Variants in CRISPLD1 observed in about 807,000 individuals in gnomAD.
CRISPLD1 encodes cysteine rich secretory protein LCCL domain containing 1.
Under a neutral mutation model 77.5 loss-of-function variants are expected in CRISPLD1, and 60 were observed. The observed-to-expected ratio is 0.77, with a 90% CI of 0.63 to 0.96. The LOEUF (loss-of-function observed/expected upper bound fraction) is 0.96. CRISPLD1 is among the 40% of genes least tolerant of loss of function. The pLI is 0.00. For missense variants in CRISPLD1, 623 were observed against 615.8 expected (o/e 1.01, Z -0.12); for synonymous variants, 195 against 200.1 (o/e 0.97, Z 0.22).
At chr8:75,013,846 C>T in intron 4 of CRISPLD1, 141 bp from the exon 5 acceptor site, 1 of 597,760 alleles carries the variant, frequency 1.7e-6, no homozygotes, top group East Asian at 2.8e-5. Context: ...AGGAAAAAGA[C>T]CCTTTTTGAT....
chr8:74,996,018 G>A (rs554615716), intron 2 of CRISPLD1, among the ~76,000 whole-genome samples: 39 of 147,524 alleles, frequency 2.6e-4, no homozygotes, highest in African/African-American at 9.6e-4. Flanking sequence ...TATAAAAATG[G>A]CAATGGGTCA....
At chr8:75,020,872 G>T (rs1156548357) in intron 12 of CRISPLD1, among the ~76,000 whole-genome samples, 1 of 151,826 alleles carries the variant, frequency 6.6e-6, no homozygotes, top group Non-Finnish European at 1.5e-5. Flanking sequence ...AGATTATAAT[G>T]GAATTTATAT....
rs1812707314 is a variant in CRISPLD1 at position 74,999,794 on chromosome 8, GT to G, written c.259-12638del. Among the ~76,000 whole-genome samples, 4 of 145,936 alleles carry G rather than the reference GT, an allele frequency of 2.7e-5. No individual in the cohort carries two copies. In the South Asian group the frequency reaches 8.7e-4, roughly 32 times the overall value. On this transcript the variant is annotated intron_variant, in intron 2 of 14. Coordinates refer to ENST00000262207, the MANE Select transcript of CRISPLD1 (RefSeq NM_031461.6). ...TCTTTTCTTTTTTTTTTTTTACAAA[GT>G]ACTTATAATACACAATGTTGGAGAA...
At chr8:75,029,123 A>G (rs1813285892) in intron 13 of CRISPLD1, among the ~76,000 whole-genome samples, 1 of 152,198 alleles carries the variant, frequency 6.6e-6, no homozygotes, top group Admixed American at 6.5e-5. Flanking sequence ...TTTGGACAGA[A>G]CAGGTATTTG....
intron 2 of CRISPLD1, among the ~76,000 whole-genome samples, chr8:74,994,592 C>T (rs567497673): frequency 6.6e-6 from 1 of 152,192 alleles, no homozygotes; most frequent in Non-Finnish European, 1.5e-5. Flanking sequence ...TGTCTCCTCC[C>T]TTCCTGGGAT....
At chr8:75,002,723 C>T (rs1439165121) in intron 2 of CRISPLD1, among the ~76,000 whole-genome samples, 1 of 151,934 alleles carries the variant, frequency 6.6e-6, no homozygotes, top group Non-Finnish European at 1.5e-5. Flanking sequence ...CTCGGAATTC[C>T]TGTTTGTGTG....
intron 2 of CRISPLD1, among the ~76,000 whole-genome samples, chr8:75,012,143 G>A (rs1812942924): frequency 6.6e-6 from 1 of 151,962 alleles, no homozygotes; most frequent in Admixed American, 6.6e-5. Context: ...ATGTATATGG[G>A]GATTTGTTTT....
intron 2 of CRISPLD1, among the ~76,000 whole-genome samples, chr8:74,989,598 G>A (rs1812543696): frequency 6.6e-6 from 1 of 151,696 alleles, no homozygotes; most frequent in African/African-American, 2.4e-5. Context: ...TTGTTAGTGG[G>A]GTTGTTTTTT....
intron 14 of CRISPLD1, among the ~76,000 whole-genome samples, chr8:75,031,198 G>T (rs79664625): frequency 6.6e-6 from 1 of 152,102 alleles, no homozygotes; most frequent in East Asian, 1.9e-4. Context: ...TATATGTTGT[G>T]TGTGCGCACT....
At chr8:74,990,581 C>A (rs2128780776) in intron 2 of CRISPLD1, among the ~76,000 whole-genome samples, 1 of 149,218 alleles carries the variant, frequency 6.7e-6, no homozygotes, top group African/African-American at 2.5e-5. Context: ...CTTTGAGCTT[C>A]ATTTTTATGT....
chr8:75,020,219 C>T (rs571024151), intron 12 of CRISPLD1, 140 bp downstream of exon 12: 2 of 666,962 alleles, frequency 3.0e-6, no homozygotes, highest in Admixed American at 2.7e-5. Context: ...AAACTACATG[C>T]ACTCCAGGCA....
chr8:75,008,166 A>G (rs1812867524), intron 2 of CRISPLD1, among the ~76,000 whole-genome samples: 1 of 152,188 alleles, frequency 6.6e-6, no homozygotes, highest in African/African-American at 2.4e-5. Context: ...CTAAGAAGGA[A>G]CAACTTTCAG....
chr8:75,020,451 T>G (rs1813114005), intron 12 of CRISPLD1, among the ~76,000 whole-genome samples: 1 of 152,156 alleles, frequency 6.6e-6, no homozygotes, highest in African/African-American at 2.4e-5. Flanking sequence ...GCTGGCTGAT[T>G]CAGTTCCTGA....
chr8:74,986,810 C>G (rs991845695), intron 2 of CRISPLD1, among the ~76,000 whole-genome samples: 12 of 152,080 alleles, frequency 7.9e-5, no homozygotes, highest in African/African-American at 2.9e-4. Context: ...TGAAAATAAG[C>G]CTTGGCAAAG....
intron 14 of CRISPLD1, 109 bp downstream of exon 14, chr8:75,029,626 G>T: frequency 9.0e-7 from 1 of 1,116,544 alleles, no homozygotes; most frequent in East Asian, 2.5e-5. Flanking sequence ...TCAAAGTTAA[G>T]TGGCAGAGCC....
chr8:74,998,711 A>T (rs1015481209), intron 2 of CRISPLD1, among the ~76,000 whole-genome samples: 1 of 149,684 alleles, frequency 6.7e-6, no homozygotes, highest in Non-Finnish European at 1.5e-5. Context: ...AAAAAAAAGT[A>T]AAGTTCAAAG....
intron 2 of CRISPLD1, among the ~76,000 whole-genome samples, chr8:74,998,685 C>CAAAAAAAAA (rs368258595): frequency 1.8e-3 from 93 of 50,870 alleles, no homozygotes; most frequent in African/African-American, 2.9e-3. Flanking sequence ...GACTCCATCT[C>CAAAAAAAAA]AAAAAAAAAA....
At position 74,986,221 on chromosome 8, in the gene CRISPLD1, A is replaced by C. The variant is rs1323943378; in HGVS notation, c.234A>C (p.Pro78=). 1 of 1,614,152 alleles carries C rather than the reference A, an allele frequency of 6.2e-7. No homozygotes were observed. The highest frequency in any genetic ancestry group is 1.7e-5 in the Admixed American group (1 of 60,032). ...ATAAATTACGAAGTCAGGTGTATCC[A>C]ACAGCCTCTAATATGGAGTATATGG... ...LHNKLRSQVY[P]TASNMEYMTW... is the part of the protein sequence containing the mutation. Residue 78 remains proline, a synonymous_variant, in exon 2 of 15, where the codon CCA becomes CCC. Coordinates refer to ENST00000262207, the MANE Select transcript of CRISPLD1 (RefSeq NM_031461.6).
In CRISPLD1 at chr8:75,032,231, G is replaced by A; in HGVS notation, c.1492G>A (p.Ala498Thr). The change falls in exon 15 of 15, where the codon GCT (alanine) becomes ACT (threonine). Residue 498 changes from alanine (A) to threonine (T), a missense_variant. Ala to Thr is a moderately conservative substitution (Grantham distance 58, BLOSUM62 0). Transcript: ENST00000262207. ...PPGGKAFRVF[A>T]VV Reference sequence around the variant, plus strand: ...AGGAGGAAAGGCATTCAGAGTGTTTGCTGTTGTGTGAAACTGAATACTTGG... The same window carrying A: ...AGGAGGAAAGGCATTCAGAGTGTTTACTGTTGTGTGAAACTGAATACTTGG... 6.2e-7 allele frequency: 1 copy of A among 1,606,306 alleles called. No individual in the cohort carries two copies.
Sources: gnomAD v4.1 joint callset for allele counts (sites outside exome capture counted in the v4.1 genomes callset) on GRCh38, gnomAD v4.1.1 for gene constraint, MANE v1.5 for transcripts, NCBI Gene and HGNC (gene_info 2026-07-23, HGNC 2026-07-21) for gene names.